ADCY7: variants seen among roughly 807,000 people sequenced by gnomAD.
ADCY7 encodes the protein adenylate cyclase 7, also known as adenylate cyclase type 7.
Under a neutral mutation model 120.6 loss-of-function variants are expected in ADCY7, and 72 were observed. The observed-to-expected ratio is 0.60, with a 90% CI of 0.49 to 0.73. The LOEUF is 0.73. Among genes scored for constraint, ADCY7 ranks in the 30% least tolerant of loss-of-function variants. The probability of loss-of-function intolerance (pLI) is 0.00; values close to 1 mark genes in which losing one functional copy is unlikely to be tolerated. For synonymous variants in ADCY7, 661 were observed against 628.0 expected (o/e 1.05, Z -0.78); for missense variants, 1,227 against 1,486.0 (o/e 0.83, Z 2.87).
Position 50,300,784 on chromosome 16 carries a change from C to T in ADCY7, c.1146C>T (p.Cys382=), listed in dbSNP as rs761680686. Residue 382 remains cysteine (C), a synonymous_variant, in exon 9 of 26, where the codon TGC becomes TGT. Coordinates refer to ENST00000673801, the MANE Select transcript of ADCY7 (RefSeq NM_001114.5). Reference sequence around the variant, plus strand: ...GCATACACTCGGGGAATGTGCTGTGCGGGGTCATCGGGCTGCGCAAGTGGC... The same window carrying T: ...GCATACACTCGGGGAATGTGCTGTGTGGGGTCATCGGGCTGCGCAAGTGGC... ...RVGIHSGNVL[C]GVIGLRKWQY... is the part of the protein sequence containing the mutation. 29 of 1,553,596 alleles carry T rather than the reference C, an allele frequency of 1.9e-5. No individual in the cohort carries two copies. The highest frequency in any genetic ancestry group is 4.9e-5 in the East Asian group (2 of 41,072).
intron 7 of ADCY7, 24 bp from the exon 8 acceptor site, chr16:50,298,880 C>T (rs563430260): frequency 6.2e-7 from 1 of 1,607,174 alleles, no homozygotes; most frequent in East Asian, 2.2e-5. Context: ...CTTCCAGTGA[C>T]CAGGCCCTTC....
At chr16:50,280,684 A>G (rs2034203478) in intron 1 of ADCY7, among the ~76,000 whole-genome samples, 1 of 152,198 alleles carries the variant, frequency 6.6e-6, no homozygotes, top group African/African-American at 2.4e-5. Context: ...AGGTGAGAAC[A>G]TCAGCCTTTT....
intron 1 of ADCY7, among the ~76,000 whole-genome samples, chr16:50,267,556 G>A (rs536223465): frequency 1.3e-5 from 2 of 152,296 alleles, no homozygotes; most frequent in East Asian, 1.9e-4. Flanking sequence ...CTATGTGACC[G>A]TGGGCCTTCA....
intron 1 of ADCY7, among the ~76,000 whole-genome samples, chr16:50,280,082 A>T (rs570144475): frequency 3.9e-5 from 6 of 151,952 alleles, no homozygotes; most frequent in African/African-American, 1.5e-4. Flanking sequence ...CTGGCCTTTT[A>T]TTGGTAGGCT....
chr16:50,294,361 C>T (rs974045606), intron 6 of ADCY7, among the ~76,000 whole-genome samples: 4 of 152,210 alleles, frequency 2.6e-5, no homozygotes, highest in African/African-American at 9.7e-5. Flanking sequence ...TGCAGGAGTG[C>T]CCTTCGGCTG....
At chr16:50,301,793 C>T (rs2035739078) in intron 10 of ADCY7, 1 of 154,500 alleles carries the variant, frequency 6.5e-6, no homozygotes, top group Middle Eastern at 3.1e-3. Flanking sequence ...CACGTCTGGC[C>T]ACTTCTCTGT....
intron 7 of ADCY7, among the ~76,000 whole-genome samples, chr16:50,298,507 A>G (rs1293674549): frequency 6.6e-6 from 1 of 152,138 alleles, no homozygotes; most frequent in Non-Finnish European, 1.5e-5. Context: ...TTTCTAGTTT[A>G]GTGCCCACCC....
intron 20 of ADCY7, 23 bp from the exon 21 acceptor site, chr16:50,312,013 G>C (rs776017840): frequency 4.1e-5 from 66 of 1,613,352 alleles, no homozygotes; most frequent in Non-Finnish European, 5.5e-5. Context: ...TGGACGGGGC[G>C]CTTATGTTGC....
chr16:50,254,404 A>G (rs2032850920), intron 1 of ADCY7, among the ~76,000 whole-genome samples: 1 of 152,218 alleles, frequency 6.6e-6, no homozygotes, highest in East Asian at 1.9e-4. Context: ...ACAATCACCA[A>G]ATAACTGTTA....
chr16:50,308,680 C>T lies in ADCY7; in HGVS notation c.1949C>T (p.Ala650Val). 1 of 1,612,878 alleles carries T rather than the reference C, an allele frequency of 6.2e-7. No individual in the cohort carries two copies. Among genetic ancestry groups the T allele is most frequent in the Non-Finnish European group, 8.5e-7 (1 of 1,179,518 alleles). Residue 650 changes from alanine to valine, a missense_variant, in exon 17 of 26, where the codon GCT (alanine) becomes GTT (valine). By Grantham distance (64) the Ala-to-Val change is moderately conservative. Coordinates refer to ENST00000673801, the MANE Select transcript of ADCY7 (RefSeq NM_001114.5). ...FATKFSRCCPARGTLCTISER... is the reference protein window; with the variant it reads ...FATKFSRCCPVRGTLCTISER... The stretch of plus-strand genomic sequence containing the variant: ...GTTACCCCACAGAGGTGCTGCCCAG[C>T]TCGGGGGACGCTCTGCACTATCTCT...
chr16:50,304,283 C>A, intron 10 of ADCY7, 77 bp from the exon 11 acceptor site: 1 of 1,314,416 alleles, frequency 7.6e-7, no homozygotes, highest in Admixed American at 3.3e-5. Context: ...TCAGGGAGAG[C>A]TGGATGGGGA....
chr16:50,251,921 C>T (rs1439689582), intron 1 of ADCY7, among the ~76,000 whole-genome samples: 3 of 152,230 alleles, frequency 2.0e-5, no homozygotes, highest in African/African-American at 7.2e-5. Flanking sequence ...AGTATTTGAG[C>T]ACCTGGTGTG....
chr16:50,308,705 T>C lies in ADCY7; in HGVS notation c.1974T>C (p.Ser658=), dbSNP rs199879835. The change falls in exon 17 of 26, where the codon TCT becomes TCC. Residue 658 remains serine, a synonymous_variant. Coordinates refer to ENST00000673801, the MANE Select transcript of ADCY7 (RefSeq NM_001114.5). ...CPARGTLCTI[S]ERVETQPLLR... is the part of the protein sequence containing the mutation. The stretch of plus-strand genomic sequence containing the variant: ...CTCGGGGGACGCTCTGCACTATCTC[T>C]GAGAGGGTGGAGACACAGCCCCTGC... 6.8e-6 allele frequency: 11 copies of C among 1,613,712 alleles called. No homozygotes were observed. The highest frequency in any genetic ancestry group is 6.7e-5 in the Admixed American group (4 of 60,006).
chr16:50,313,659 T>C (rs912720704), intron 22 of ADCY7: 2 of 336,808 alleles, frequency 5.9e-6, no homozygotes, highest in African/African-American at 4.2e-5. Context: ...TTGAATTCTT[T>C]GCTGGAGACA....
chr16:50,250,565 G>A (rs919831757), intron 1 of ADCY7, among the ~76,000 whole-genome samples: 2 of 151,664 alleles, frequency 1.3e-5, no homozygotes, highest in Non-Finnish European at 2.9e-5. Flanking sequence ...GATCAGGAGT[G>A]TGAGACCAGC....
intron 1 of ADCY7, among the ~76,000 whole-genome samples, chr16:50,285,913 A>G (rs1276220134): frequency 6.6e-6 from 1 of 151,830 alleles, no homozygotes; most frequent in Non-Finnish European, 1.5e-5. Context: ...TTTTGGAATC[A>G]ATGAATATGC....
intron 1 of ADCY7, among the ~76,000 whole-genome samples, chr16:50,246,722 G>T (rs1206652651): frequency 6.6e-6 from 1 of 152,240 alleles, no homozygotes; most frequent in Non-Finnish European, 1.5e-5. Flanking sequence ...GGGTCCAGGG[G>T]AGAGTGAGCC....
intron 10 of ADCY7, among the ~76,000 whole-genome samples, chr16:50,303,197 A>C (rs1351770700): frequency 1.3e-5 from 2 of 152,114 alleles, no homozygotes; most frequent in Non-Finnish European, 2.9e-5. Flanking sequence ...AGAGAAACGC[A>C]TCCACCCCCA....
chr16:50,305,021 T>TG, intron 12 of ADCY7, 62 bp downstream of exon 12: 1 of 1,595,610 alleles, frequency 6.3e-7, no homozygotes, highest in Non-Finnish European at 8.6e-7. Context: ...CAGGCTGCCC[T>TG]GAGCAGCCTC....
Sources: allele counts gnomAD v4.1 joint callset (sites outside exome capture counted in the v4.1 genomes callset), GRCh38; gene constraint gnomAD v4.1.1; transcripts MANE v1.5; gene names NCBI Gene and HGNC (gene_info 2026-07-23, HGNC 2026-07-21).